SCAP: variants seen among roughly 807,000 people sequenced by gnomAD.
SCAP encodes the protein SREBF chaperone, also known as sterol regulatory element-binding protein cleavage-activating protein.
SCAP carries 65 observed loss-of-function variants against 123.6 expected under a neutral mutation model. The ratio of observed to expected loss-of-function variants is 0.53; its 90% CI spans 0.43 to 0.65. The LOEUF is 0.65. SCAP is among the 30% of genes least tolerant of loss of function. The probability of loss-of-function intolerance (pLI) is 0.00; values close to 1 mark genes in which losing one functional copy is unlikely to be tolerated. For missense variants in SCAP, 1,398 were observed against 1,712.5 expected (o/e 0.82, Z 3.24); for synonymous variants, 740 against 726.3 (o/e 1.02, Z -0.30).
intron 1 of SCAP, among the ~76,000 whole-genome samples, chr3:47,468,972 GA>G (rs1407869889): frequency 6.6e-6 from 1 of 152,190 alleles, no homozygotes; most frequent in East Asian, 1.9e-4. Flanking sequence ...GTAGAATAAT[GA>G]AAACATTCTG....
At chr3:47,441,394 G>A (rs895960489) in intron 2 of SCAP, among the ~76,000 whole-genome samples, 5 of 152,070 alleles carry the variant, frequency 3.3e-5, no homozygotes, top group Admixed American at 6.6e-5. Context: ...CTTGAGCCTA[G>A]GAGGTTGAGG....
chr3:47,471,576 G>A (rs892925069), intron 1 of SCAP, among the ~76,000 whole-genome samples: 7 of 152,078 alleles, frequency 4.6e-5, no homozygotes, highest in Non-Finnish European at 1.0e-4. Context: ...CACACATGTT[G>A]GTCAGGCTGG....
intron 3 of SCAP, among the ~76,000 whole-genome samples, chr3:47,430,998 G>C (rs574005781): frequency 6.6e-6 from 1 of 152,288 alleles, no homozygotes; most frequent in South Asian, 2.1e-4. Context: ...AACAACCAGA[G>C]GCAACCGTCT....
At chr3:47,470,599 A>T (rs1707990648) in intron 1 of SCAP, among the ~76,000 whole-genome samples, 1 of 152,254 alleles carries the variant, frequency 6.6e-6, no homozygotes, top group Non-Finnish European at 1.5e-5. Context: ...GCAGTGGCTC[A>T]CGCCTATAAT....
At chr3:47,463,113 C>T (rs1306677259) in intron 1 of SCAP, among the ~76,000 whole-genome samples, 2 of 152,210 alleles carry the variant, frequency 1.3e-5, no homozygotes, top group African/African-American at 2.4e-5. Context: ...GATTTCCCCA[C>T]AGTAGCTGTT....
intron 1 of SCAP, 176 bp from the exon 2 acceptor site, chr3:47,443,267 C>CT (rs1706881361): frequency 4.9e-6 from 1 of 204,066 alleles, no homozygotes; most frequent in Non-Finnish European, 9.1e-6. Context: ...CACACACACA[C>CT]ACACACACAC....
intron 8 of SCAP, 63 bp downstream of exon 8, chr3:47,425,422 G>C (rs1013563422): frequency 1.3e-6 from 2 of 1,542,660 alleles, no homozygotes; most frequent in East Asian, 2.3e-5. Context: ...CAAGAACCCA[G>C]AAGTGCAAGG....
At chr3:47,440,978 T>G (rs1706776866) in intron 2 of SCAP, among the ~76,000 whole-genome samples, 2 of 151,872 alleles carry the variant, frequency 1.3e-5, no homozygotes, top group Non-Finnish European at 2.9e-5. Context: ...CTCAGCTCAC[T>G]GCAATCTCCG....
intron 4 of SCAP, 67 bp downstream of exon 4, chr3:47,428,446 G>A (rs1706230129): frequency 6.7e-7 from 1 of 1,498,434 alleles, no homozygotes; most frequent in African/African-American, 1.4e-5. Context: ...CAGTTACACT[G>A]AGGACTGTAA....
chr3:47,475,873 G>A lies in SCAP; in HGVS notation c.-173C>T, dbSNP rs192542289. 193 of 158,722 alleles carry A rather than the reference G, an allele frequency of 1.2e-3. No homozygotes were observed. Among genetic ancestry groups the A allele is most frequent in the African/African-American group, 4.1e-3 (170 of 41,358 alleles). The allele number at this position is 158,722 out of a possible 1,614,324, so 9.8% of individuals were successfully genotyped here. A position where few individuals can be genotyped will look rare whatever the true frequency, so the allele number is the denominator to read the frequency against. Reference sequence around the variant, plus strand: ...GGGGCGGCAGCAGGGGCGGAGCGCGGCGTGCGCGCTCTCGGCCCGCAGTCC... The same window carrying A: ...GGGGCGGCAGCAGGGGCGGAGCGCGACGTGCGCGCTCTCGGCCCGCAGTCC... On this transcript the variant is annotated 5_prime_UTR_variant, in exon 1 of 23. Transcript: ENST00000265565.
intron 20 of SCAP, 46 bp from the exon 21 acceptor site, chr3:47,414,698 A>G (rs1425758251): frequency 6.2e-7 from 1 of 1,612,192 alleles, no homozygotes; most frequent in African/African-American, 1.3e-5. Flanking sequence ...GGATTTTCCA[A>G]GTTATACTTT....
chr3:47,427,713 G>C lies in SCAP; in HGVS notation c.411-46C>G, dbSNP rs559430262. The C allele has an allele frequency of 1.7e-5, 26 of 1,503,404 alleles. No homozygotes were observed. The East Asian group carries it at 3.7e-4, about 21-fold the overall frequency. The allele number at this position is 1,503,404 out of a possible 1,614,324, so 93.1% of individuals were successfully genotyped here. ...GGCACCTGCTGTGTCTGCCACCACAGGGCAGACCTGCTGTACTTAGGGGAC... is the reference window on the plus strand; with the variant it reads ...GGCACCTGCTGTGTCTGCCACCACACGGCAGACCTGCTGTACTTAGGGGAC... On this transcript the variant is annotated intron_variant, in intron 4 of 22. Coordinates refer to ENST00000265565, the MANE Select transcript of SCAP (RefSeq NM_012235.4).
At position 47,417,635 on chromosome 3, in the gene SCAP, T is replaced by A; in HGVS notation, c.2639A>T (p.Asn880Ile). 6.2e-7 allele frequency: 1 copy of A among 1,607,686 alleles called. No homozygotes were observed. Among genetic ancestry groups the A allele is most frequent in the Non-Finnish European group, 8.5e-7 (1 of 1,177,948 alleles). ...TGAGGACCGAGGCTGCGCTGAAAAG[T>A]TGGTGTCAATTAAGCAGGTGAGGTC... is the stretch of plus-strand genomic sequence containing the variant. ...QPDLTCLIDT[N>I]FSAQPRSSQP... The change falls in exon 17 of 23, where the codon AAC becomes ATC. Residue 880 changes from asparagine to isoleucine, a missense_variant. By Grantham distance (149) the Asn-to-Ile change is moderately radical. This residue lies in a region of SCAP where 828 missense variants were observed against 882.5 expected (regional missense o/e 0.94). Transcript: ENST00000265565.
At chr3:47,454,808 G>A (rs1707356035) in intron 1 of SCAP, among the ~76,000 whole-genome samples, 1 of 151,486 alleles carries the variant, frequency 6.6e-6, no homozygotes, top group African/African-American at 2.4e-5. Context: ...TCAACTAAAT[G>A]TTTACATCTT....
At chr3:47,428,840 A>T in intron 3 of SCAP, 170 bp from the exon 4 acceptor site, 1 of 667,610 alleles carries the variant, frequency 1.5e-6, no homozygotes, top group Non-Finnish European at 2.4e-6. Flanking sequence ...GAAAAGAAAC[A>T]ATTTGCTGAA....
chr3:47,421,531 T>C (rs576765507), intron 10 of SCAP, among the ~76,000 whole-genome samples: 1 of 152,356 alleles, frequency 6.6e-6, no homozygotes, highest in East Asian at 1.9e-4. Context: ...GTGAGCTCTC[T>C]GCTCCCCAAG....
At chr3:47,431,895 G>A (rs1361215936) in intron 3 of SCAP, among the ~76,000 whole-genome samples, 1 of 152,094 alleles carries the variant, frequency 6.6e-6, no homozygotes, top group East Asian at 1.9e-4. Flanking sequence ...TTTTTGCCCA[G>A]GAGATTTGTC....
intron 10 of SCAP, 85 bp from the exon 11 acceptor site, chr3:47,421,114 C>A (rs1317034056): frequency 4.8e-6 from 5 of 1,048,712 alleles, no homozygotes; most frequent in Non-Finnish European, 7.5e-6. Flanking sequence ...CTGCAGCCAC[C>A]TCATAACCGG....
At chr3:47,457,664 T>C (rs989071414) in intron 1 of SCAP, among the ~76,000 whole-genome samples, 4 of 152,030 alleles carry the variant, frequency 2.6e-5, no homozygotes, top group Non-Finnish European at 4.4e-5. Context: ...TCCCAGCACT[T>C]TGGGAGGCCG....
Sources: gnomAD v4.1 joint callset for allele counts (sites outside exome capture counted in the v4.1 genomes callset) on GRCh38, gnomAD v4.1.1 for gene constraint, gnomAD v4.1.1 regional missense constraint, MANE v1.5 for transcripts, NCBI Gene and HGNC (gene_info 2026-07-23, HGNC 2026-07-21) for gene names.